The following TVP23A variants were observed in gnomAD, a reference collection of about 807,000 sequenced individuals.
TVP23A encodes trans-golgi network vesicle protein 23 homolog A.
In TVP23A, 21 loss-of-function variants were observed where a neutral mutation model predicts 31.7. That is an observed-to-expected ratio of 0.66 (90% CI 0.47 to 0.95). The LOEUF (loss-of-function observed/expected upper bound fraction) is 0.95, where lower values mean the gene tolerates loss of function less well. Ranked by LOEUF, TVP23A falls within the 40% of genes least tolerant of loss-of-function variation. TVP23A has a pLI of 0.00. For missense variants in TVP23A, 279 were observed against 255.6 expected, an observed-to-expected ratio of 1.09 and a Z score of -0.62; for synonymous variants, 104 against 96.0, an observed-to-expected ratio of 1.08 and a Z score of -0.49.
Position 10,818,108 on chromosome 16 carries a change from C to A in TVP23A, c.84G>T (p.Lys28Asn). Residue 28 changes from lysine to asparagine, a missense_variant, in exon 2 of 8, where the codon AAG (lysine) becomes AAT (asparagine). By Grantham distance (94) the Lys-to-Asn change is moderately conservative (BLOSUM62 0). Transcript: ENST00000299866. This position sits in a 1 kb window ranked among gnomAD's most constrained non-coding sequence, Gnocchi z 4.7. ...CAAGCTCCATCCCAACACACCTGAT[C>A]TTGGCTTTCCTAAAGGCCAGCTCCT... ...NEEELAFRKA[K>N]IRHPLATFFH... 6.2e-7 allele frequency: 1 copy of A among 1,607,834 alleles called. No homozygotes were observed. Among genetic ancestry groups the A allele is most frequent in the Middle Eastern group, 1.7e-4 (1 of 6,056 alleles).
downstream of TVP23A, among the ~76,000 whole-genome samples, chr16:10,757,427 G>A (rs114675535): frequency 7.0e-3 from 1,066 of 152,286 alleles, 12 homozygotes; most frequent in African/African-American, 0.025. This position sits in a 1 kb window ranked among gnomAD's most constrained non-coding sequence, Gnocchi z 4.1. Flanking sequence ...TGTTATCAGG[G>A]CAAGCTTTAG....
Position 10,818,221 on chromosome 16 carries a change from G to A in TVP23A, c.10-39C>T. On this transcript the variant is annotated intron_variant, in intron 1 of 7. Transcript: ENST00000299866. This position sits in a 1 kb window ranked among gnomAD's most constrained non-coding sequence, Gnocchi z 4.7. ...AAGGGCAGGTGGCAGGCCCAAGCAC[G>A]GCGCACACCCCAACCCCACCCGCCC... 1.3e-6 allele frequency: 2 copies of A among 1,534,842 alleles called. No homozygotes were observed. The highest frequency in any genetic ancestry group is 1.2e-5 in the South Asian group (1 of 84,392).
At position 10,770,464 on chromosome 16, in the gene TVP23A, A is replaced by C. The variant is rs2031499234; in HGVS notation, c.583-133T>G. The C allele has an allele frequency of 6.5e-6, 6 of 924,962 alleles. No individual in the cohort carries two copies. The South Asian group carries it at 1.1e-4, about 17-fold the overall frequency. The allele number at this position is 924,962 out of a possible 1,614,324, so 57.3% of individuals were successfully genotyped here. On this transcript the variant is annotated intron_variant, in intron 6 of 7. Transcript: ENST00000299866. ...TTGGTTGCTTGATGTCTTGGCATAAAGCAGTGCTGTTCAAATTTAGGACGG... is the reference window on the plus strand; with the variant it reads ...TTGGTTGCTTGATGTCTTGGCATAACGCAGTGCTGTTCAAATTTAGGACGG...
downstream of TVP23A, chr16:10,761,819 G>A: frequency 6.2e-7 from 1 of 1,614,126 alleles, no homozygotes; most frequent in Non-Finnish European, 8.5e-7. Context: ...AGGACTTGGA[G>A]GTCCCTCTCC....
At chr16:10,798,285 A>G (rs1330441372) in intron 2 of TVP23A, among the ~76,000 whole-genome samples, 1 of 151,762 alleles carries the variant, frequency 6.6e-6, no homozygotes, top group Non-Finnish European at 1.5e-5. Context: ...GTAATCAGGG[A>G]AGCAGACTAC....
intron 2 of TVP23A, among the ~76,000 whole-genome samples, chr16:10,794,358 C>T (rs189517097): frequency 1.3e-5 from 2 of 152,304 alleles, no homozygotes; most frequent in African/African-American, 2.4e-5. Context: ...CTTATAAAGA[C>T]CCCAGTCATA....
intron 2 of TVP23A, chr16:10,800,297 T>C (rs2033635361): frequency 6.6e-6 from 1 of 152,116 alleles, no homozygotes; most frequent in Non-Finnish European, 1.5e-5. Context: ...AAATACTCAC[T>C]TGTGTCTGCT....
At chr16:10,804,767 C>T (rs1259064203) in intron 2 of TVP23A, among the ~76,000 whole-genome samples, 2 of 152,086 alleles carry the variant, frequency 1.3e-5, no homozygotes, top group African/African-American at 4.8e-5. Flanking sequence ...AACAAAAAAG[C>T]CAGCAATCAT....
intron 6 of TVP23A, among the ~76,000 whole-genome samples, chr16:10,771,074 G>C (rs1313101290): frequency 6.6e-6 from 1 of 152,088 alleles, no homozygotes; most frequent in Non-Finnish European, 1.5e-5. Context: ...GAGGCGAGGA[G>C]GAGGGGGAGT....
Position 10,791,858 on chromosome 16 carries a change from G to A in TVP23A, c.90-16762C>T, listed in dbSNP as rs558780865. 2.9e-3 allele frequency among the ~76,000 whole-genome samples: 448 copies of A among 152,190 alleles called. 1 individual carries two copies. Among genetic ancestry groups the A allele is most frequent in the Non-Finnish European group, 4.7e-3 (320 of 68,012 alleles). On this transcript the variant is annotated intron_variant, in intron 2 of 7. Coordinates refer to ENST00000299866, the MANE Select transcript of TVP23A (RefSeq NM_001079512.4). ...TCTCAGTCTCCTGACCTCATGATCC[G>A]CCCGCCTCGGCCTCCCAAAGTGCTG...
intron 2 of TVP23A, among the ~76,000 whole-genome samples, chr16:10,785,612 A>T (rs1209656084): frequency 6.6e-6 from 1 of 152,258 alleles, no homozygotes; most frequent in African/African-American, 2.4e-5. Context: ...GAACACACTC[A>T]GGAGATCCTG....
chr16:10,761,006 G>A (rs1397267944), downstream of TVP23A: 4 of 198,528 alleles, frequency 2.0e-5, no homozygotes, highest in East Asian at 4.0e-4. Flanking sequence ...GGCAAAGCAG[G>A]CACATGTTAC....
chr16:10,762,104 G>A (rs553616318), downstream of TVP23A: 3 of 400,136 alleles, frequency 7.5e-6, no homozygotes, highest in African/African-American at 6.0e-5. Flanking sequence ...GAAGAATGGG[G>A]TAGAGGTTGG....
chr16:10,761,239 C>G, exon 9 of TVP23A: 1 of 800,688 alleles, frequency 1.2e-6, no homozygotes, highest in Non-Finnish European at 2.0e-6. Context: ...CAAACCCTAT[C>G]AGGGCAGAAA....
chr16:10,796,408 T>C (rs569792982), intron 2 of TVP23A, among the ~76,000 whole-genome samples: 34 of 151,734 alleles, frequency 2.2e-4, no homozygotes, highest in African/African-American at 8.0e-4. Flanking sequence ...GAAGCCTATG[T>C]AGTAAAAGGG....
chr16:10,807,626 C>T (rs909886437), intron 2 of TVP23A, among the ~76,000 whole-genome samples: 1 of 152,252 alleles, frequency 6.6e-6, no homozygotes. Context: ...ACAGCCTCCA[C>T]CACATAGAAT....
chr16:10,790,575 G>GCGC (rs1458013416), intron 2 of TVP23A, among the ~76,000 whole-genome samples: 1 of 152,076 alleles, frequency 6.6e-6, no homozygotes, highest in Non-Finnish European at 1.5e-5. Context: ...GTGAGCCACT[G>GCGC]CGCCCGACCA....
rs2031030110 is a variant in TVP23A at position 10,767,302 on chromosome 16, T to C, written c.*1800A>G. The stretch of plus-strand genomic sequence containing the variant: ...GGGATAACATGGTCCTAGAGAAACC[T>C]GGGTGTGCATAGGAGGGGACTGGAA... On this transcript the variant is annotated 3_prime_UTR_variant, in exon 8 of 8. Coordinates refer to ENST00000299866, the MANE Select transcript of TVP23A (RefSeq NM_001079512.4). This position sits in a 1 kb window ranked among gnomAD's most constrained non-coding sequence, Gnocchi z 4.6. The C allele has an allele frequency of 5.0e-6, 2 of 399,112 alleles. No individual in the cohort carries two copies. Among genetic ancestry groups the C allele is most frequent in the African/African-American group, 4.1e-5 (2 of 48,636 alleles). 24.7% of individuals were successfully genotyped at this position (399,112 alleles called of 1,614,324 possible). A position where few individuals can be genotyped will look rare whatever the true frequency, so the allele number is the denominator to read the frequency against.
At position 10,768,910 on chromosome 16, in the gene TVP23A, T is replaced by C; in HGVS notation, c.*192A>G. 1.4e-6 allele frequency: 1 copy of C among 722,918 alleles called. No homozygotes were observed. Among genetic ancestry groups the C allele is most frequent in the South Asian group, 1.8e-5 (1 of 56,402 alleles). 44.8% of individuals were successfully genotyped at this position (722,918 alleles called of 1,614,324 possible). A position where few individuals can be genotyped will look rare whatever the true frequency, so the allele number is the denominator to read the frequency against. On this transcript the variant is annotated 3_prime_UTR_variant, in exon 8 of 8. Coordinates refer to ENST00000299866, the MANE Select transcript of TVP23A (RefSeq NM_001079512.4). The surrounding 1 kb of genome is among the most constrained non-coding windows in gnomAD (Gnocchi z 4.3). ...CGGTCACTTTCAAAGACTCAGGGCATCACAGACACAGGTCTTTTTATGGAA... is the reference window on the plus strand; with the variant it reads ...CGGTCACTTTCAAAGACTCAGGGCACCACAGACACAGGTCTTTTTATGGAA...
Sources: allele counts gnomAD v4.1 joint callset (sites outside exome capture counted in the v4.1 genomes callset), GRCh38; gene constraint gnomAD v4.1.1; non-coding constraint Gnocchi (gnomAD v3.1); transcripts MANE v1.5; gene names NCBI Gene and HGNC (gene_info 2026-07-23, HGNC 2026-07-21).